ADGB: variants seen among roughly 807,000 people sequenced by gnomAD.
The protein encoded by ADGB is androglobin.
In ADGB, 172 loss-of-function variants were observed where a neutral mutation model predicts 210.5. The observed-to-expected ratio is 0.82, with a 90% CI of 0.72 to 0.93. The LOEUF is 0.93. Ranked by LOEUF, ADGB falls within the 40% of genes least tolerant of loss-of-function variation. ADGB has a pLI of 0.00. For missense variants in ADGB, 2,025 were observed against 1,964.8 expected, an observed-to-expected ratio of 1.03 and a Z score of -0.58; for synonymous variants, 658 against 662.7, an observed-to-expected ratio of 0.99 and a Z score of 0.11.
At chr6:146,702,375 C>A (rs568254223) in intron 13 of ADGB, among the ~76,000 whole-genome samples, 7 of 151,802 alleles carry the variant, frequency 4.6e-5, no homozygotes, top group Non-Finnish European at 8.8e-5. Flanking sequence ...AATGTATTGA[C>A]ATATTAACCC....
Position 146,760,104 on chromosome 6 carries a change from T to G in ADGB, c.3551-3797T>G, listed in dbSNP as rs1269694067. ...GGAAGTAAAGGACAGGGCCTTTGTG[T>G]TATACATTTTTAATTTTTTATTAAA... On this transcript the variant is annotated intron_variant, in intron 27 of 35. Transcript: ENST00000397944. Among the ~76,000 whole-genome samples the G allele has an allele frequency of 2.0e-5, 3 of 152,020 alleles. No homozygotes were observed. In the East Asian group the frequency reaches 5.8e-4, roughly 29 times the overall value.
intron 1 of ADGB, among the ~76,000 whole-genome samples, chr6:146,613,190 T>C (rs556667685): frequency 1.8e-4 from 28 of 152,266 alleles, no homozygotes; most frequent in African/African-American, 6.5e-4. Flanking sequence ...AAGAAATAAA[T>C]GATGAACTTT....
At chr6:146,737,523 A>G (rs1777097352) in intron 23 of ADGB, among the ~76,000 whole-genome samples, 1 of 152,184 alleles carries the variant, frequency 6.6e-6, no homozygotes, top group South Asian at 2.1e-4. Flanking sequence ...AAAGACATCA[A>G]TTTACATTTT....
chr6:146,743,144 C>A (rs1405624632), intron 25 of ADGB, among the ~76,000 whole-genome samples: 1 of 152,038 alleles, frequency 6.6e-6, no homozygotes, highest in Non-Finnish European at 1.5e-5. Flanking sequence ...TGAATAGAAA[C>A]AGTTTATTTA....
chr6:146,675,501 A>C (rs577780468), intron 8 of ADGB, among the ~76,000 whole-genome samples: 6 of 151,906 alleles, frequency 3.9e-5, no homozygotes, highest in Admixed American at 1.3e-4. Flanking sequence ...TAAGGTATGA[A>C]ACATGTCTAT....
intron 16 of ADGB, 80 bp downstream of exon 16, chr6:146,717,679 A>C: frequency 2.9e-6 from 2 of 690,664 alleles, no homozygotes; most frequent in Non-Finnish European, 2.3e-6. Context: ...CAAATTTCTC[A>C]AAACATTTCT....
chr6:146,611,895 C>T (rs1046490827), intron 1 of ADGB, among the ~76,000 whole-genome samples: 3 of 152,092 alleles, frequency 2.0e-5, no homozygotes, highest in African/African-American at 7.2e-5. Context: ...GATACCATTT[C>T]ATGTATTTGC....
chr6:146,736,909 T>C (rs1777086890), intron 23 of ADGB, among the ~76,000 whole-genome samples: 2 of 152,004 alleles, frequency 1.3e-5, no homozygotes, highest in Admixed American at 1.3e-4. Flanking sequence ...AGTCAACAAA[T>C]AGTCAGATGA....
At chr6:146,759,404 A>G (rs1295293819) in intron 27 of ADGB, among the ~76,000 whole-genome samples, 1 of 151,818 alleles carries the variant, frequency 6.6e-6, no homozygotes, top group Non-Finnish European at 1.5e-5. Flanking sequence ...GTAATATTGA[A>G]TATTTTGTAA....
intron 26 of ADGB, among the ~76,000 whole-genome samples, chr6:146,746,888 C>G (rs1250051746): frequency 5.3e-5 from 8 of 152,126 alleles, no homozygotes; most frequent in African/African-American, 1.7e-4. Flanking sequence ...TTTGCTCGAG[C>G]ATTTCCTCTT....
chr6:146,770,495 A>G, intron 29 of ADGB: 1 of 422,242 alleles, frequency 2.4e-6, no homozygotes. Context: ...TTCCTCTCTC[A>G]TTGGGCAGGG....
In ADGB at chr6:146,640,260, A is replaced by G. The variant is rs367675485; in HGVS notation, c.238-4513A>G. Among the ~76,000 whole-genome samples the G allele has an allele frequency of 5.3e-5, 8 of 152,002 alleles. No individual in the cohort carries two copies. In the East Asian group the frequency reaches 1.4e-3, roughly 26 times the overall value. On this transcript the variant is annotated intron_variant, in intron 2 of 35. Transcript: ENST00000397944. ...CAATAACAAGCTCTGAAATGGAATC[A>G]GTAATAAAGGGCCTACCAACCAAAC...
At chr6:146,614,827 T>C (rs1780767027) in intron 1 of ADGB, among the ~76,000 whole-genome samples, 2 of 152,318 alleles carry the variant, frequency 1.3e-5, no homozygotes, top group South Asian at 2.1e-4. Flanking sequence ...GGGAAGCTTA[T>C]AATCATGGCA....
chr6:146,686,783 C>A (rs1455200859), intron 10 of ADGB, among the ~76,000 whole-genome samples: 1 of 152,174 alleles, frequency 6.6e-6, no homozygotes, highest in East Asian at 1.9e-4. Context: ...ACTAGGATTT[C>A]ATAGTCTGAA....
At chr6:146,801,422 G>A (rs560763580) in intron 34 of ADGB, 143 bp downstream of exon 34, 9 of 455,740 alleles carry the variant, frequency 2.0e-5, no homozygotes, top group African/African-American at 6.1e-5. Flanking sequence ...TATCACACCT[G>A]CTACCATTAT....
At chr6:146,681,677 C>T (rs1284056875) in intron 9 of ADGB, among the ~76,000 whole-genome samples, 1 of 151,888 alleles carries the variant, frequency 6.6e-6, no homozygotes, top group Non-Finnish European at 1.5e-5. Flanking sequence ...GATTAGAAGC[C>T]CACTAATATA....
At chr6:146,631,103 A>G (rs916794506) in intron 1 of ADGB, among the ~76,000 whole-genome samples, 1 of 152,226 alleles carries the variant, frequency 6.6e-6, no homozygotes, top group Non-Finnish European at 1.5e-5. Flanking sequence ...TAGAAGAATA[A>G]TCTGTAATAT....
intron 1 of ADGB, among the ~76,000 whole-genome samples, chr6:146,620,992 C>G (rs1238697404): frequency 1.3e-5 from 2 of 152,206 alleles, no homozygotes; most frequent in South Asian, 4.1e-4. Flanking sequence ...TGCTTTCCAT[C>G]CTGGGAAGAA....
Position 146,709,957 on chromosome 6 carries a change from G to A in ADGB, c.1708-5425G>A, listed in dbSNP as rs1776636423. Reference sequence around the variant, plus strand: ...TTTTTCAAATTGATGTTTTTGCAGGGGGCAAATACAGGAAAGTCTTGTTCT... The same window carrying A: ...TTTTTCAAATTGATGTTTTTGCAGGAGGCAAATACAGGAAAGTCTTGTTCT... On this transcript the variant is annotated intron_variant, in intron 13 of 35. Transcript: ENST00000397944. 2.0e-5 allele frequency among the ~76,000 whole-genome samples: 3 copies of A among 151,888 alleles called. No individual in the cohort carries two copies. In the South Asian group the frequency reaches 6.2e-4, roughly 32 times the overall value.
Sources: gnomAD v4.1 joint callset for allele counts (sites outside exome capture counted in the v4.1 genomes callset) on GRCh38, gnomAD v4.1.1 for gene constraint, MANE v1.5 for transcripts, NCBI Gene and HGNC (gene_info 2026-07-23, HGNC 2026-07-21) for gene names.